Variants in ARHGAP22 observed in about 807,000 individuals in gnomAD.
ARHGAP22 encodes rho GTPase-activating protein 22.
ARHGAP22 carries 48 observed loss-of-function variants against 59.1 expected under a neutral mutation model. The ratio of observed to expected loss-of-function variants is 0.81; its 90% confidence interval spans 0.64 to 1.03. The LOEUF (loss-of-function observed/expected upper bound fraction) is 1.03. ARHGAP22 is among the 50% of genes least tolerant of loss of function. The pLI is 0.00. For missense variants in ARHGAP22, 1,015 were observed against 958.7 expected, an observed-to-expected ratio of 1.06 and a Z score of -0.78; for synonymous variants, 445 against 416.4, an observed-to-expected ratio of 1.07 and a Z score of -0.84.
At chr10:48,516,167 G>T (rs1291063212) in intron 3 of ARHGAP22, among the ~76,000 whole-genome samples, 1 of 152,068 alleles carries the variant, frequency 6.6e-6, no homozygotes, top group African/African-American at 2.4e-5. Flanking sequence ...TTAAAATCAG[G>T]AATGACATAG....
chr10:48,459,881 C>T lies in ARHGAP22; in HGVS notation c.462G>A (p.Gly154=). The T allele has an allele frequency of 6.2e-7, 1 of 1,612,114 alleles. No homozygotes were observed. The highest frequency in any genetic ancestry group is 8.5e-7 in the Non-Finnish European group (1 of 1,179,816). The part of the protein sequence containing the change: ...IWAPLGGGIF[G]QRLEETVHHE... ...GGTGGACTGTTTCCTCTAGGCGCTG[C>T]CCAAAGATCCCTGAGCACAGAGAGG... Residue 154 remains glycine, a synonymous_variant, in exon 5 of 10, where the codon GGG becomes GGA. Transcript: ENST00000249601.
Position 48,493,353 on chromosome 10 carries a change from C to A in ARHGAP22, c.323-13589G>T, listed in dbSNP as rs1013446169. On this transcript the variant is annotated intron_variant, in intron 3 of 9. Transcript: ENST00000249601. ...TTTACCTGGTTGCGGCCACCAAACA[C>A]CACTTCCCTTTCAAGGGTTAATCGC... 1.2e-5 allele frequency: 17 copies of A among 1,368,110 alleles called. No homozygotes were observed. The African/African-American group carries it at 2.2e-4, about 17-fold the overall frequency. 84.7% of individuals were successfully genotyped at this position (1,368,110 alleles called of 1,614,324 possible). A position where few individuals can be genotyped will look rare whatever the true frequency, so the allele number is the denominator to read the frequency against.
intron 9 of ARHGAP22, 37 bp downstream of exon 9, chr10:48,450,224 G>A (rs1354632471): frequency 1.9e-6 from 3 of 1,596,602 alleles, no homozygotes; most frequent in African/African-American, 1.3e-5. Context: ...TGCAGGCTCC[G>A]CCCCGTCACA....
chr10:48,591,243 A>T (rs1363466382), intron 1 of ARHGAP22, among the ~76,000 whole-genome samples: 3 of 152,230 alleles, frequency 2.0e-5, no homozygotes, highest in Non-Finnish European at 4.4e-5. Flanking sequence ...TAACACAAAC[A>T]CAAGAGGTCA....
chr10:48,643,501 G>A (rs893587986), intron 1 of ARHGAP22, among the ~76,000 whole-genome samples: 1 of 150,794 alleles, frequency 6.6e-6, no homozygotes, highest in East Asian at 2.0e-4. Flanking sequence ...ACTATTGCAA[G>A]CACAAAAAAC....
intron 3 of ARHGAP22, among the ~76,000 whole-genome samples, chr10:48,512,358 A>G (rs1349400038): frequency 1.3e-5 from 2 of 152,242 alleles, no homozygotes; most frequent in Non-Finnish European, 2.9e-5. Flanking sequence ...AGGAAATTGC[A>G]CCTCAACTTC....
chr10:48,488,377 C>A (rs1234121423), intron 3 of ARHGAP22, among the ~76,000 whole-genome samples: 2 of 152,222 alleles, frequency 1.3e-5, no homozygotes, highest in African/African-American at 2.4e-5. Flanking sequence ...TTTTTCTCCT[C>A]ATTATGGGCT....
intron 3 of ARHGAP22, chr10:48,524,040 G>A (rs1364448714): frequency 1.2e-5 from 17 of 1,475,092 alleles, no homozygotes; most frequent in African/African-American, 1.5e-5. Context: ...GCGCACGTGC[G>A]CGCCGGAGTT....
intron 2 of ARHGAP22, among the ~76,000 whole-genome samples, chr10:48,579,788 C>T (rs897955591): frequency 6.6e-6 from 1 of 151,500 alleles, no homozygotes; most frequent in African/African-American, 2.4e-5. Flanking sequence ...CCGCCTGGGC[C>T]CCCTGTCACT....
At chr10:48,645,536 CA>C (rs763994301) in intron 1 of ARHGAP22, among the ~76,000 whole-genome samples, 50 of 152,080 alleles carry the variant, frequency 3.3e-4, no homozygotes, top group Non-Finnish European at 5.1e-4. Flanking sequence ...GAATAAAGGA[CA>C]AAACCCATAT....
At chr10:48,554,659 A>C (rs1426729666) in intron 3 of ARHGAP22, among the ~76,000 whole-genome samples, 1 of 147,738 alleles carries the variant, frequency 6.8e-6, no homozygotes, top group Non-Finnish European at 1.5e-5. Context: ...GTTCTCAAGG[A>C]CTTGGGGGGT....
At chr10:48,586,537 C>T (rs1309287685) in intron 1 of ARHGAP22, among the ~76,000 whole-genome samples, 1 of 152,180 alleles carries the variant, frequency 6.6e-6, no homozygotes, top group Admixed American at 6.5e-5. Flanking sequence ...GAGAATGGAC[C>T]ACTCTCTGGC....
At chr10:48,487,488 A>AAG (rs1223577655) in intron 3 of ARHGAP22, among the ~76,000 whole-genome samples, 2 of 152,162 alleles carry the variant, frequency 1.3e-5, no homozygotes, top group African/African-American at 4.8e-5. Context: ...AGAGGAGTGT[A>AAG]AGAGAGAGAT....
At chr10:48,655,256 T>TGG (rs1230624457), upstream of ARHGAP22, among the ~76,000 whole-genome samples, 5 of 9,908 alleles carry the variant, frequency 5.0e-4, no homozygotes, top group Non-Finnish European at 4.7e-4. Context: ...TGTGTGTGTG[T>TGG]GGGGGGGGGG....
chr10:48,621,983 T>A (rs1324669928), intron 1 of ARHGAP22, among the ~76,000 whole-genome samples: 1 of 152,234 alleles, frequency 6.6e-6, no homozygotes, highest in African/African-American at 2.4e-5. Context: ...CTTTGGTTAT[T>A]CTTTTCATGG....
chr10:48,615,275 CAA>C (rs2061037376), intron 1 of ARHGAP22, among the ~76,000 whole-genome samples: 1 of 152,150 alleles, frequency 6.6e-6, no homozygotes, highest in Non-Finnish European at 1.5e-5. Flanking sequence ...ACCCACACAG[CAA>C]AAATATGGGA....
intron 3 of ARHGAP22, among the ~76,000 whole-genome samples, chr10:48,504,193 C>T (rs1272117031): frequency 6.6e-6 from 1 of 152,144 alleles, no homozygotes. Flanking sequence ...GAGGAAGGAT[C>T]CCCTGGCTCC....
At chr10:48,589,155 CT>C (rs1174598169) in intron 1 of ARHGAP22, among the ~76,000 whole-genome samples, 3 of 152,164 alleles carry the variant, frequency 2.0e-5, no homozygotes, top group Non-Finnish European at 4.4e-5. Context: ...AGATTTTGGC[CT>C]CTCCTGATAT....
chr10:48,518,636 T>G (rs912206450), intron 3 of ARHGAP22, among the ~76,000 whole-genome samples: 3 of 152,120 alleles, frequency 2.0e-5, no homozygotes, highest in Admixed American at 2.0e-4. Context: ...CGTATGGCAC[T>G]GAGAATCAAC....
Sources: allele counts gnomAD v4.1 joint callset (sites outside exome capture counted in the v4.1 genomes callset), GRCh38; gene constraint gnomAD v4.1.1; transcripts MANE v1.5; gene names NCBI Gene and HGNC (gene_info 2026-07-23, HGNC 2026-07-21).